The following LRP1B variants were observed in gnomAD, a reference collection of about 807,000 sequenced individuals.
LRP1B encodes low-density lipoprotein receptor-related protein 1B.
Under a neutral mutation model 556.6 loss-of-function variants are expected in LRP1B, and 217 were observed. That is an observed-to-expected ratio of 0.39 (90% CI 0.35 to 0.44). The LOEUF (loss-of-function observed/expected upper bound fraction) is 0.44, where lower values mean the gene tolerates loss of function less well. Among genes scored for constraint, LRP1B ranks in the 20% least tolerant of loss-of-function variants. The probability of loss-of-function intolerance (pLI) is 1.00; values close to 1 mark genes in which losing one functional copy is unlikely to be tolerated. For synonymous variants in LRP1B, 2,047 were observed against 1,865.8 expected (o/e 1.10, Z -2.50); for missense variants, 5,053 against 5,620.8 (o/e 0.90, Z 3.23).
chr2:140,644,435 T>A (rs1451732729), intron 41 of LRP1B, among the ~76,000 whole-genome samples: 1 of 150,018 alleles, frequency 6.7e-6, no homozygotes, highest in African/African-American at 2.5e-5. Context: ...TGTCTTCCTC[T>A]GTCACCTAGG....
At chr2:140,595,776 A>T (rs937177296) in intron 43 of LRP1B, among the ~76,000 whole-genome samples, 6 of 152,174 alleles carry the variant, frequency 3.9e-5, no homozygotes, top group African/African-American at 7.2e-5. Context: ...TTACATTTTT[A>T]AAAAAGCATA....
intron 2 of LRP1B, among the ~76,000 whole-genome samples, chr2:141,609,377 G>C (rs1461136264): frequency 6.6e-6 from 1 of 151,874 alleles, no homozygotes; most frequent in South Asian, 2.1e-4. Context: ...ATAGTGTACT[G>C]TTGCTGTCTA....
At chr2:141,591,521 T>A (rs755974843) in intron 2 of LRP1B, among the ~76,000 whole-genome samples, 9 of 152,060 alleles carry the variant, frequency 5.9e-5, no homozygotes, top group African/African-American at 1.7e-4. Flanking sequence ...TAGAAACATA[T>A]TTTAATTGAA....
At chr2:140,827,904 A>G (rs1182438567) in intron 31 of LRP1B, among the ~76,000 whole-genome samples, 2 of 152,140 alleles carry the variant, frequency 1.3e-5, no homozygotes, top group African/African-American at 4.8e-5. Flanking sequence ...AGGAGCTCCA[A>G]TTCACTTGGC....
At position 140,334,318 on chromosome 2, in the gene LRP1B, C is replaced by G. The variant is rs975709996; in HGVS notation, c.12223+135G>C. On this transcript the variant is annotated intron_variant, in intron 79 of 90. Coordinates refer to ENST00000389484, the MANE Select transcript of LRP1B (RefSeq NM_018557.3). ...AAAATAGGAAATGAAATGTAAATAACTTCATAAAATCATACTCTAAATAGT... is the reference window on the plus strand; with the variant it reads ...AAAATAGGAAATGAAATGTAAATAAGTTCATAAAATCATACTCTAAATAGT... 3.5e-5 allele frequency: 21 copies of G among 603,882 alleles called. No individual in the cohort carries two copies. In the African/African-American group the frequency reaches 3.9e-4, roughly 11 times the overall value. The allele number at this position is 603,882 out of a possible 1,614,324, so 37.4% of individuals were successfully genotyped here.
At chr2:140,683,294 C>T (rs770424357) in intron 41 of LRP1B, 3 of 400,764 alleles carry the variant, frequency 7.5e-6, no homozygotes, top group Non-Finnish European at 9.6e-6. Flanking sequence ...GACTTTTCAC[C>T]TTCAAAGGAA....
At chr2:141,760,456 A>C (rs553794610) in intron 2 of LRP1B, among the ~76,000 whole-genome samples, 6 of 152,322 alleles carry the variant, frequency 3.9e-5, no homozygotes, top group Non-Finnish European at 8.8e-5. Context: ...AAACAAAAAC[A>C]TATTTGTTCA....
intron 42 of LRP1B, 72 bp from the exon 43 acceptor site, chr2:140,598,907 C>A: frequency 1.1e-6 from 1 of 927,656 alleles, no homozygotes; most frequent in Non-Finnish European, 1.7e-6. Flanking sequence ...AGAAACATGG[C>A]AATACCAAGC....
At chr2:140,839,799 T>C (rs1334651254) in intron 31 of LRP1B, among the ~76,000 whole-genome samples, 192 bp downstream of exon 31, 2 of 152,190 alleles carry the variant, frequency 1.3e-5, no homozygotes, top group African/African-American at 4.8e-5. Flanking sequence ...TCCTATTAGT[T>C]CTGTCCCTTT....
intron 25 of LRP1B, among the ~76,000 whole-genome samples, chr2:140,871,686 G>T (rs534737730): frequency 1.3e-5 from 2 of 151,990 alleles, no homozygotes; most frequent in African/African-American, 4.8e-5. Flanking sequence ...CTACTATAGG[G>T]GCTTTATTTA....
At chr2:140,642,908 CTAATA>C (rs1156612752) in intron 41 of LRP1B, among the ~76,000 whole-genome samples, 2 of 152,152 alleles carry the variant, frequency 1.3e-5, no homozygotes, top group East Asian at 3.9e-4. Context: ...AAACATTCAC[CTAATA>C]TCTTTTGTGA....
chr2:141,920,368 C>T (rs57999329), intron 1 of LRP1B, among the ~76,000 whole-genome samples: 2,221 of 150,788 alleles, frequency 0.015, 45 homozygotes, highest in African/African-American at 0.051. Flanking sequence ...ACATATAACA[C>T]GATGGAAAGG....
chr2:141,757,666 C>T (rs779414017), intron 2 of LRP1B, among the ~76,000 whole-genome samples: 24 of 152,020 alleles, frequency 1.6e-4, no homozygotes, highest in African/African-American at 2.7e-4. Flanking sequence ...CCCAAATAGC[C>T]GGGACTACAG....
chr2:141,159,679 G>A (rs2105107722), intron 7 of LRP1B, among the ~76,000 whole-genome samples: 1 of 152,108 alleles, frequency 6.6e-6, no homozygotes, highest in South Asian at 2.1e-4. Flanking sequence ...AAAAGTACAA[G>A]TTCTTCATAA....
chr2:141,405,727 G>C (rs901636162), intron 3 of LRP1B, among the ~76,000 whole-genome samples: 1 of 152,020 alleles, frequency 6.6e-6, no homozygotes, highest in Non-Finnish European at 1.5e-5. Flanking sequence ...TAAAAGTATA[G>C]AATATAAGTA....
chr2:141,666,771 C>G (rs2105405057), intron 2 of LRP1B, among the ~76,000 whole-genome samples: 1 of 152,260 alleles, frequency 6.6e-6, no homozygotes, highest in Middle Eastern at 3.4e-3. Context: ...ACTGATCTAG[C>G]TGTTATGTAT....
At chr2:140,514,109 T>C (rs1689778925) in intron 51 of LRP1B, among the ~76,000 whole-genome samples, 1 of 152,042 alleles carries the variant, frequency 6.6e-6, no homozygotes, top group African/African-American at 2.4e-5. Flanking sequence ...TAAGTATAGA[T>C]ACGTGACACT....
At chr2:140,950,489 G>A in intron 19 of LRP1B, 87 bp from the exon 20 acceptor site, 1 of 1,160,898 alleles carries the variant, frequency 8.6e-7, no homozygotes, top group South Asian at 1.6e-5. Context: ...TTCTGTTGTT[G>A]TTGTTGTTTT....
chr2:140,963,325 G>A (rs1018476573), intron 18 of LRP1B, among the ~76,000 whole-genome samples: 3 of 151,826 alleles, frequency 2.0e-5, no homozygotes, highest in Non-Finnish European at 4.4e-5. Flanking sequence ...AAAGAAGAAA[G>A]GAAAAGAACA....
Sources: allele counts gnomAD v4.1 joint callset (sites outside exome capture counted in the v4.1 genomes callset), GRCh38; gene constraint gnomAD v4.1.1; transcripts MANE v1.5; gene names NCBI Gene and HGNC (gene_info 2026-07-23, HGNC 2026-07-21).